TRANK1: variants seen among roughly 807,000 people sequenced by gnomAD.
TRANK1 encodes tetratricopeptide repeat and ankyrin repeat containing 1.
TRANK1 carries 198 observed loss-of-function variants against 266.0 expected under a neutral mutation model. That is an observed-to-expected ratio of 0.74 (90% CI 0.66 to 0.84). The LOEUF (loss-of-function observed/expected upper bound fraction) is 0.84. Ranked by LOEUF, TRANK1 falls within the 40% of genes least tolerant of loss-of-function variation. The pLI, the probability that TRANK1 is intolerant of heterozygous loss-of-function variation, is 0.00. For synonymous variants in TRANK1, 1,396 were observed against 1,384.1 expected, an observed-to-expected ratio of 1.01 and a Z score of -0.19; for missense variants, 3,326 against 3,634.6, an observed-to-expected ratio of 0.92 and a Z score of 2.18.
At chr3:36,943,480 A>AC (rs1204257291) in intron 1 of TRANK1, among the ~76,000 whole-genome samples, 846 of 35,038 alleles carry the variant, frequency 0.024, 15 homozygotes, top group African/African-American at 0.078. Flanking sequence ...ACCTCTACCC[A>AC]CCCCCCCACC....
At position 36,841,669 on chromosome 3, in the gene TRANK1, AAT is replaced by A. The variant is rs139523409; in HGVS notation, c.5280+951_5280+952del. Among the ~76,000 whole-genome samples, 462 of 152,318 alleles carry A rather than the reference AAT, an allele frequency of 3.0e-3. 2 individuals are homozygous for A. Among genetic ancestry groups the A allele is most frequent in the African/African-American group, 9.2e-3 (384 of 41,560 alleles). On this transcript the variant is annotated intron_variant, in intron 18 of 23. Coordinates refer to ENST00000645898, the MANE Select transcript of TRANK1 (RefSeq NM_001329998.2). ...CCACTGAGGACTTCATGATAAAAAA[AAT>A]AGAGAGATCAATGAGAAGAAAGTGC...
At chr3:36,850,750 T>G (rs2078974717) in intron 15 of TRANK1, 1 of 985,224 alleles carries the variant, frequency 1.0e-6, no homozygotes, top group African/African-American at 1.7e-5. Context: ...AGTTGTGCTA[T>G]TAAGGCAAAA....
Position 36,831,222 on chromosome 3 carries a change from G to C in TRANK1, c.8361C>G (p.Ser2787Arg), listed in dbSNP as rs2078689115. 6.2e-7 allele frequency: 1 copy of C among 1,613,770 alleles called. No homozygotes were observed. Among genetic ancestry groups the C allele is most frequent in the Non-Finnish European group, 8.5e-7 (1 of 1,179,886 alleles). ...TRGPENYFSP[S>R]KAFEGAASEV... ...CGGAAGCTGCCCCCTCAAACGCTTT[G>C]CTGGGGCTGAAATAGTTCTCTGGGC... is the stretch of plus-strand genomic sequence containing the variant. The change falls in exon 22 of 24, where the codon AGC becomes AGG. Residue 2787 changes from serine (S) to arginine (R), a missense_variant. Transcript: ENST00000645898. This position sits in a 1 kb window ranked among gnomAD's most constrained non-coding sequence, Gnocchi z 5.0.
intron 5 of TRANK1, among the ~76,000 whole-genome samples, chr3:36,893,705 A>G (rs1157534785): frequency 6.6e-6 from 1 of 152,174 alleles, no homozygotes; most frequent in Non-Finnish European, 1.5e-5. Flanking sequence ...AGAAGCCCCT[A>G]CTGAGATCAT....
intron 5 of TRANK1, 43 bp from the exon 6 acceptor site, chr3:36,893,027 C>T: frequency 8.4e-7 from 1 of 1,193,646 alleles, no homozygotes; most frequent in Non-Finnish European, 1.1e-6. Context: ...TAATGTTCTC[C>T]ACATAGGTTA....
At chr3:36,943,487 C>A (rs571477487) in intron 1 of TRANK1, among the ~76,000 whole-genome samples, 1 of 132,420 alleles carries the variant, frequency 7.6e-6, no homozygotes, top group African/African-American at 2.8e-5. Context: ...CCCACCCCCC[C>A]ACCCCCCGCA....
intron 7 of TRANK1, 95 bp from the exon 8 acceptor site, chr3:36,890,055 GA>G: frequency 6.8e-7 from 1 of 1,467,948 alleles, no homozygotes; most frequent in Non-Finnish European, 9.1e-7. Flanking sequence ...AAGAAAGAAA[GA>G]AAATCAGCAA....
At chr3:36,904,149 T>A (rs2079926232) in intron 2 of TRANK1, among the ~76,000 whole-genome samples, 1 of 150,764 alleles carries the variant, frequency 6.6e-6, no homozygotes, top group Admixed American at 6.6e-5. Flanking sequence ...AGAGATGGGG[T>A]TTCACCATGT....
At chr3:36,944,054 G>T (rs2080535116) in intron 1 of TRANK1, among the ~76,000 whole-genome samples, 1 of 152,234 alleles carries the variant, frequency 6.6e-6, no homozygotes, top group Non-Finnish European at 1.5e-5. Context: ...GCTCCCCGCG[G>T]GACGGAGACA....
chr3:36,839,498 G>A (rs920672843), intron 18 of TRANK1, among the ~76,000 whole-genome samples: 1 of 152,220 alleles, frequency 6.6e-6, no homozygotes, highest in African/African-American at 2.4e-5. Context: ...TGCTATCTGT[G>A]TGGGTCTCCT....
intron 3 of TRANK1, among the ~76,000 whole-genome samples, chr3:36,899,719 T>C (rs1315668488): frequency 6.6e-6 from 1 of 152,240 alleles, no homozygotes; most frequent in Non-Finnish European, 1.5e-5. Flanking sequence ...CATTATATTC[T>C]GTGCCACATT....
chr3:36,850,676 G>A, intron 15 of TRANK1: 1 of 909,154 alleles, frequency 1.1e-6, no homozygotes, highest in Non-Finnish European at 1.3e-6. Flanking sequence ...AGGGTTGGTG[G>A]AGTGAGACAA....
chr3:36,855,125 G>T, intron 13 of TRANK1, 48 bp downstream of exon 13: 1 of 1,528,860 alleles, frequency 6.5e-7, no homozygotes, highest in Non-Finnish European at 8.9e-7. Flanking sequence ...GCAGCCCAAA[G>T]TCTGTGCCTA....
rs377699846 is a variant in TRANK1, at chr3:36,852,347, T to C, written c.4550-2A>G. The C allele has an allele frequency of 6.4e-7, 1 of 1,562,238 alleles. No homozygotes were observed. The highest frequency in any genetic ancestry group is 8.6e-7 in the Non-Finnish European group (1 of 1,159,674). ...CTCCAGATGCCAGATTGAGGATTCC[T>C]GGAATGAAACAGAAAACCCAAGTTG... On this transcript the variant is annotated splice_acceptor_variant, in intron 13 of 23. Transcript: ENST00000645898. LOFTEE classifies it high-confidence loss of function.
chr3:36,923,036 C>T (rs899606736), intron 1 of TRANK1, among the ~76,000 whole-genome samples: 1 of 152,190 alleles, frequency 6.6e-6, no homozygotes, highest in Non-Finnish European at 1.5e-5. Flanking sequence ...GCCCAACTAT[C>T]ACCAGACACC....
At chr3:36,861,755 G>C (rs111687462) in intron 10 of TRANK1, among the ~76,000 whole-genome samples, 4,980 of 145,790 alleles carry the variant, frequency 0.034, 127 homozygotes, top group Non-Finnish European at 0.049. Context: ...GCCCAGGCTG[G>C]AATACAGTGG....
At chr3:36,886,129 G>GTTTT (rs10563870) in intron 8 of TRANK1, among the ~76,000 whole-genome samples, 51 of 100,940 alleles carry the variant, frequency 5.1e-4, no homozygotes, top group Middle Eastern at 6.7e-3. Context: ...TGTTGTTGTT[G>GTTTT]TTTTTTTTTT....
At chr3:36,829,159 C>A (rs902819147) in intron 23 of TRANK1, among the ~76,000 whole-genome samples, 18 of 152,302 alleles carry the variant, frequency 1.2e-4, no homozygotes, top group African/African-American at 3.6e-4. Context: ...AGGCGCAGAA[C>A]AACACTAATA....
At chr3:36,850,808 G>C (rs866194173) in intron 15 of TRANK1, 4 of 985,186 alleles carry the variant, frequency 4.1e-6, no homozygotes, top group African/African-American at 1.7e-5. Context: ...CTATCTAAAG[G>C]GTCAGTTCTG....
Sources: allele counts gnomAD v4.1 joint callset (sites outside exome capture counted in the v4.1 genomes callset), GRCh38; gene constraint gnomAD v4.1.1; non-coding constraint Gnocchi (gnomAD v3.1); transcripts MANE v1.5; gene names NCBI Gene and HGNC (gene_info 2026-07-23, HGNC 2026-07-21).